The following GPR19 variants were observed in gnomAD, a reference collection of about 807,000 sequenced individuals.
The protein encoded by GPR19 is G protein-coupled receptor 19.
In GPR19, 14 loss-of-function variants were observed where a neutral mutation model predicts 28.5. That is an observed-to-expected ratio of 0.49 (90% CI 0.32 to 0.77). The LOEUF (loss-of-function observed/expected upper bound fraction) is 0.77. GPR19 is among the 30% of genes least tolerant of loss of function. GPR19 has a pLI of 0.03. For missense variants in GPR19, 409 were observed against 504.1 expected (o/e 0.81, Z 1.81); for synonymous variants, 173 against 184.1 (o/e 0.94, Z 0.49).
At chr12:12,714,796 G>A in the GPR19 span, among the ~76,000 whole-genome samples, 11 of 152,078 alleles carry the variant, frequency 7.2e-5, no homozygotes, top group South Asian at 6.2e-4. Flanking sequence ...TTCACGCGTC[G>A]TCGCTACTAC....
the GPR19 span, among the ~76,000 whole-genome samples, chr12:12,712,193 T>C: frequency 6.6e-6 from 1 of 152,240 alleles, no homozygotes; most frequent in Non-Finnish European, 1.5e-5. Flanking sequence ...CCTGTCCTCC[T>C]GGGCTCAGGG....
chr12:12,694,188 C>CTTTTTTTTTTTTTTTTTT lies in GPR19; in HGVS notation c.-180+1253_-180+1270dup, dbSNP rs147543699. Among the ~76,000 whole-genome samples, 19 of 43,850 alleles carry CTTTTTTTTTTTTTTTTTT rather than the reference C, an allele frequency of 4.3e-4. 5 individuals are homozygous for CTTTTTTTTTTTTTTTTTT. The highest frequency in any genetic ancestry group is 5.6e-4 in the Non-Finnish European group (14 of 25,120). The allele number at this position is 43,850 out of a possible 152,430, so 28.8% of individuals were successfully genotyped here. On this transcript the variant is annotated intron_variant, in intron 2 of 3. Coordinates refer to ENST00000651487, the MANE Select transcript of GPR19 (RefSeq NM_006143.3). Reference sequence around the variant, plus strand: ...TGTGTGGGCATGGTAGAGTACCTGTCTTTTTTTTTTTTTTTTTTTTTTTTT... The same window carrying CTTTTTTTTTTTTTTTTTT: ...TGTGTGGGCATGGTAGAGTACCTGTCTTTTTTTTTTTTTTTTTTTTTTTTTTTTTTTTTTTTTTTTTTT...
chr12:12,714,913 C>A, the GPR19 span: 2 of 152,200 alleles, frequency 1.3e-5, no homozygotes, highest in African/African-American at 4.8e-5. Flanking sequence ...AGCCTTTCTG[C>A]TGGCAGCCAG....
At chr12:12,663,428 C>CAAAAAA (rs59519930) in intron 3 of GPR19, among the ~76,000 whole-genome samples, 1 of 145,718 alleles carries the variant, frequency 6.9e-6, no homozygotes, top group African/African-American at 2.5e-5. Flanking sequence ...GACCCTATCT[C>CAAAAAA]AAAAAAAAAA....
At chr12:12,677,361 A>G (rs1190034452) in intron 3 of GPR19, among the ~76,000 whole-genome samples, 1 of 152,084 alleles carries the variant, frequency 6.6e-6, no homozygotes, top group Non-Finnish European at 1.5e-5. Flanking sequence ...CATGTGCACC[A>G]CGTGCAGCTA....
chr12:12,677,963 A>C lies in GPR19; in HGVS notation c.-23+6388T>G, dbSNP rs541174326. ...GTGGTGGGCGCCTGTAATCCCAACT[A>C]CTCAGGAGGCAGAGGCAGGAGAATT... On this transcript the variant is annotated intron_variant, in intron 3 of 3. Transcript: ENST00000651487. Among the ~76,000 whole-genome samples the C allele has an allele frequency of 1.5e-4, 22 of 151,290 alleles. No individual in the cohort carries two copies. The South Asian group carries it at 2.3e-3, about 16-fold the overall frequency.
rs1592249566 is a variant in GPR19, at chr12:12,661,712, A to G, written c.737T>C (p.Val246Ala). 1 of 1,614,044 alleles carries G rather than the reference A, an allele frequency of 6.2e-7. No individual in the cohort carries two copies. The highest frequency in any genetic ancestry group is 1.3e-5 in the African/African-American group (1 of 74,918). ...GCCTATTCTCCAAATATATTTTATG[A>G]CCTTTTGGTAAAATAAAATTATGAG... ...SVLIILFYQK[V>A]IKYIWRIGTD... The change falls in exon 4 of 4, where the codon GTC becomes GCC. Residue 246 changes from valine (V) to alanine (A), a missense_variant. Transcript: ENST00000651487. This position sits in a 1 kb window ranked among gnomAD's most constrained non-coding sequence, Gnocchi z 4.2.
chr12:12,671,933 G>T (rs78033840), intron 3 of GPR19, among the ~76,000 whole-genome samples: 1 of 152,014 alleles, frequency 6.6e-6, no homozygotes. Context: ...TGAAATCTAC[G>T]ATTAGTGAAA....
At chr12:12,694,238 G>A (rs1468606106) in intron 2 of GPR19, among the ~76,000 whole-genome samples, 2 of 103,646 alleles carry the variant, frequency 1.9e-5, no homozygotes. Context: ...TCGCTCTGTC[G>A]CCCAGGCTGG....
chr12:12,692,496 G>C (rs1173039159), intron 2 of GPR19, among the ~76,000 whole-genome samples: 1 of 152,030 alleles, frequency 6.6e-6, no homozygotes, highest in Non-Finnish European at 1.5e-5. Flanking sequence ...GTCTCCCAAA[G>C]TGCTAGGATT....
chr12:12,716,985 G>T, the GPR19 span: 7 of 993,748 alleles, frequency 7.0e-6, no homozygotes, highest in Non-Finnish European at 8.4e-6. Context: ...CTCTGGTCCA[G>T]GTCCCGGCTT....
At chr12:12,710,050 G>C in the GPR19 span, among the ~76,000 whole-genome samples, 2 of 152,158 alleles carry the variant, frequency 1.3e-5, no homozygotes, top group East Asian at 3.9e-4. Context: ...TGATGTGAAA[G>C]AATTAAGAAT....
rs147174585 is a variant in GPR19 at position 12,663,743 on chromosome 12, A to C, written c.-22-1273T>G. 7.6e-3 allele frequency among the ~76,000 whole-genome samples: 1,155 copies of C among 152,316 alleles called. 12 individuals are homozygous for C. Among genetic ancestry groups the C allele is most frequent in the African/African-American group, 0.026 (1,092 of 41,566 alleles). On this transcript the variant is annotated intron_variant, in intron 3 of 3. Transcript: ENST00000651487. Reference sequence around the variant, plus strand: ...TAATTATGGTTATTAAGGTAAGATAAGGATAAACATTAATATTTTCAAAAA... The same window carrying C: ...TAATTATGGTTATTAAGGTAAGATACGGATAAACATTAATATTTTCAAAAA...
At chr12:12,705,333 C>T in the GPR19 span, among the ~76,000 whole-genome samples, 2 of 151,934 alleles carry the variant, frequency 1.3e-5, no homozygotes, top group Non-Finnish European at 2.9e-5. Flanking sequence ...AAAAAAATTG[C>T]TGAGAATTTA....
Position 12,687,762 on chromosome 12 carries a change from G to A in GPR19, c.-179-3255C>T, listed in dbSNP as rs539801473. Among the ~76,000 whole-genome samples, 8 of 152,334 alleles carry A rather than the reference G, an allele frequency of 5.3e-5. 1 individual carries two copies. The South Asian group carries it at 1.7e-3, about 32-fold the overall frequency. On this transcript the variant is annotated intron_variant, in intron 2 of 3. Coordinates refer to ENST00000651487, the MANE Select transcript of GPR19 (RefSeq NM_006143.3). ...AAAATTGGAAACAAACCACTACCCA[G>A]TGGTCCACTGAGAAATTCATTAAAA...
At chr12:12,704,701 T>A in the GPR19 span, among the ~76,000 whole-genome samples, 1 of 152,198 alleles carries the variant, frequency 6.6e-6, no homozygotes, top group Non-Finnish European at 1.5e-5. Context: ...TGGTTTGGAA[T>A]AGTTGCAGGA....
chr12:12,696,699 G>T (rs905189256), upstream of GPR19, among the ~76,000 whole-genome samples: 2 of 152,248 alleles, frequency 1.3e-5, no homozygotes, highest in African/African-American at 4.8e-5. Context: ...CTGCGCGGCG[G>T]TTTGTTTACC....
At chr12:12,666,031 G>A (rs1448322217) in intron 3 of GPR19, among the ~76,000 whole-genome samples, 1 of 152,066 alleles carries the variant, frequency 6.6e-6, no homozygotes, top group African/African-American at 2.4e-5. Context: ...TGAGCTGGGA[G>A]CTTAGAGGAT....
At chr12:12,690,461 C>T (rs1402605898) in intron 2 of GPR19, among the ~76,000 whole-genome samples, 2 of 152,120 alleles carry the variant, frequency 1.3e-5, no homozygotes, top group African/African-American at 2.4e-5. Context: ...GGCAGCCAGA[C>T]GTTAGATTAG....
Sources: gnomAD v4.1 joint callset for allele counts (sites outside exome capture counted in the v4.1 genomes callset) on GRCh38, gnomAD v4.1.1 for gene constraint, Gnocchi (gnomAD v3.1) non-coding constraint, MANE v1.5 for transcripts, NCBI Gene and HGNC (gene_info 2026-07-23, HGNC 2026-07-21) for gene names.